NTRK2: variants seen among roughly 807,000 people sequenced by gnomAD.
NTRK2 encodes neurotrophic receptor tyrosine kinase 2.
NTRK2 carries 13 observed loss-of-function variants against 94.5 expected under a neutral mutation model. That is an observed-to-expected ratio of 0.14 (90% confidence interval 0.09 to 0.22). NTRK2 has a LOEUF of 0.22. Ranked by LOEUF, NTRK2 falls within the 10% of genes least tolerant of loss-of-function variation. The pLI, the probability that NTRK2 is intolerant of heterozygous loss-of-function variation, is 1.00. For missense variants in NTRK2, 639 were observed against 1,071.2 expected (o/e 0.60, Z 5.63); for synonymous variants, 372 against 407.4 (o/e 0.91, Z 1.05).
intron 14 of NTRK2, among the ~76,000 whole-genome samples, chr9:84,879,493 C>T (rs1339514349): frequency 1.3e-5 from 2 of 152,048 alleles, no homozygotes. Context: ...ATAATTTCTA[C>T]CTAATGCTTT....
In NTRK2 at chr9:84,828,137, C is replaced by T. The variant is rs2073303927; in HGVS notation, c.1397-32903C>T. 5.9e-5 allele frequency among the ~76,000 whole-genome samples: 9 copies of T among 152,138 alleles called. No individual in the cohort carries two copies. In the South Asian group the frequency reaches 1.9e-3, roughly 31 times the overall value. ...CTTTTTAATTAACATTTTGCAGAAT[C>T]GGAGCTGTCATTCTTTATGGCAGAC... is the stretch of plus-strand genomic sequence containing the variant. On this transcript the variant is annotated intron_variant, in intron 12 of 18. Transcript: ENST00000277120.
intron 9 of NTRK2, among the ~76,000 whole-genome samples, chr9:84,732,746 A>G (rs898825740): frequency 2.6e-5 from 4 of 152,152 alleles, no homozygotes; most frequent in Non-Finnish European, 5.9e-5. Flanking sequence ...AGGAGATGAC[A>G]GGGTAGTTGG....
intron 2 of NTRK2, among the ~76,000 whole-genome samples, chr9:84,681,391 T>C (rs1389945231): frequency 6.6e-6 from 1 of 152,202 alleles, no homozygotes; most frequent in Non-Finnish European, 1.5e-5. Flanking sequence ...TGTCAATCCA[T>C]TTTCCTAAGT....
At chr9:84,956,792 T>C (rs1421260206) in intron 17 of NTRK2, among the ~76,000 whole-genome samples, 2 of 152,114 alleles carry the variant, frequency 1.3e-5, no homozygotes, top group Admixed American at 6.5e-5. Flanking sequence ...CTATAATTAG[T>C]GTAAGAAAAT....
At chr9:84,948,139 C>T (rs1467317785) in intron 15 of NTRK2, among the ~76,000 whole-genome samples, 2 of 152,134 alleles carry the variant, frequency 1.3e-5, no homozygotes, top group African/African-American at 4.8e-5. Flanking sequence ...CATAGCATCA[C>T]AGAAAGAAAG....
intron 17 of NTRK2, among the ~76,000 whole-genome samples, chr9:84,997,852 G>A (rs1280957593): frequency 1.3e-5 from 2 of 152,172 alleles, no homozygotes; most frequent in African/African-American, 4.8e-5. Flanking sequence ...TAACCCCCTC[G>A]CTGTGGCAGA....
intron 13 of NTRK2, among the ~76,000 whole-genome samples, chr9:84,865,632 G>C (rs77573003): frequency 2.0e-5 from 3 of 152,198 alleles, no homozygotes; most frequent in African/African-American, 7.2e-5. Context: ...CATTTAGTAG[G>C]GGGGGTTGGA....
At chr9:84,853,824 A>G (rs1025934291) in intron 12 of NTRK2, among the ~76,000 whole-genome samples, 1 of 152,254 alleles carries the variant, frequency 6.6e-6, no homozygotes, top group African/African-American at 2.4e-5. Context: ...GCTCATGCCT[A>G]TAATTCCAGC....
chr9:84,887,816 T>C (rs1195862544), intron 14 of NTRK2, among the ~76,000 whole-genome samples: 18 of 152,194 alleles, frequency 1.2e-4, no homozygotes, highest in Admixed American at 1.2e-3. Context: ...TCTCTTAAAC[T>C]GGGAAACTAC....
At chr9:84,782,917 C>G (rs1036505963) in intron 12 of NTRK2, among the ~76,000 whole-genome samples, 1 of 152,088 alleles carries the variant, frequency 6.6e-6, no homozygotes, top group African/African-American at 2.4e-5. Flanking sequence ...TGGCTTATGT[C>G]CTGAAGTGGG....
chr9:85,009,971 A>G (rs1455144626), intron 17 of NTRK2, among the ~76,000 whole-genome samples: 1 of 152,224 alleles, frequency 6.6e-6, no homozygotes, highest in Non-Finnish European at 1.5e-5. Context: ...TCCTCATCTC[A>G]GGCTAATGGT....
intron 17 of NTRK2, 114 bp from the exon 18 acceptor site, chr9:85,020,092 A>G (rs952235574): frequency 1.8e-6 from 2 of 1,114,428 alleles, no homozygotes; most frequent in Non-Finnish European, 2.7e-6. Context: ...GTGTTTATAA[A>G]CAATTAAAAC....
At chr9:84,932,608 G>A (rs1385010783) in intron 14 of NTRK2, among the ~76,000 whole-genome samples, 7 of 152,088 alleles carry the variant, frequency 4.6e-5, no homozygotes, top group South Asian at 4.2e-4. Context: ...AAGTTACACC[G>A]CAGTACTAAA....
At chr9:84,810,902 T>C in intron 12 of NTRK2, 1 of 1,213,622 alleles carries the variant, frequency 8.2e-7, no homozygotes, top group Non-Finnish European at 1.0e-6. Context: ...TGTACTTCTC[T>C]TCTGAAAAGT....
At chr9:84,767,594 C>T (rs954753179) in intron 12 of NTRK2, among the ~76,000 whole-genome samples, 2 of 152,182 alleles carry the variant, frequency 1.3e-5, no homozygotes, top group Admixed American at 6.5e-5. Context: ...CTGTCTCACA[C>T]ATTTAGCCTA....
rs867905571 is a variant in NTRK2 at position 84,816,651 on chromosome 9, C to T, written c.1397-44389C>T. ...AAAATTAGCTGGGCGTGGTGGCGGG[C>T]GCCTGTAATCTCACCTATTCAGGAG... On this transcript the variant is annotated intron_variant, in intron 12 of 18. Coordinates refer to ENST00000277120, the MANE Select transcript of NTRK2 (RefSeq NM_006180.6). Among the ~76,000 whole-genome samples, 7 of 151,580 alleles carry T rather than the reference C, an allele frequency of 4.6e-5. No individual in the cohort carries two copies. In the East Asian group the frequency reaches 5.8e-4, roughly 13 times the overall value.
At chr9:84,959,967 A>G (rs756490101) in intron 17 of NTRK2, among the ~76,000 whole-genome samples, 50 of 152,216 alleles carry the variant, frequency 3.3e-4, no homozygotes, top group South Asian at 2.1e-4. Context: ...AACATCTGCA[A>G]TCCTAGCTGT....
At chr9:84,707,989 G>T in intron 5 of NTRK2, 77 bp downstream of exon 5, 1 of 1,143,486 alleles carries the variant, frequency 8.7e-7, no homozygotes, top group African/African-American at 1.5e-5. Flanking sequence ...CTTTTAATGA[G>T]TGATGTTGCA....
intron 9 of NTRK2, among the ~76,000 whole-genome samples, chr9:84,733,249 T>C (rs2063016688): frequency 6.6e-6 from 1 of 152,224 alleles, no homozygotes; most frequent in Non-Finnish European, 1.5e-5. Context: ...TGTTCTCTCC[T>C]TCCGGGGATA....
Sources: allele counts gnomAD v4.1 joint callset (sites outside exome capture counted in the v4.1 genomes callset), GRCh38; gene constraint gnomAD v4.1.1; transcripts MANE v1.5; gene names NCBI Gene and HGNC (gene_info 2026-07-23, HGNC 2026-07-21).